The following UGT2A3 variants were observed in gnomAD, a reference collection of about 807,000 sequenced individuals.
UGT2A3 encodes UDP-glucuronosyltransferase 2A3.
UGT2A3 carries 55 observed loss-of-function variants against 44.1 expected under a neutral mutation model. The ratio of observed to expected loss-of-function variants is 1.25; its 90% CI spans 1.00 to 1.56. UGT2A3 has a LOEUF of 1.56. Among genes scored for constraint, UGT2A3 ranks in the 40% most tolerant of loss-of-function variants. The probability of loss-of-function intolerance (pLI) is 0.00; values close to 1 mark genes in which losing one functional copy is unlikely to be tolerated. For missense variants in UGT2A3, 733 were observed against 621.6 expected (o/e 1.18, Z -1.91); for synonymous variants, 243 against 215.1 (o/e 1.13, Z -1.13).
chr4:68,941,781 T>A (rs1319391680), intron 2 of UGT2A3, among the ~76,000 whole-genome samples: 1 of 151,808 alleles, frequency 6.6e-6, no homozygotes, highest in Non-Finnish European at 1.5e-5. Flanking sequence ...GTCACATCAG[T>A]CAATAAAAAT....
In UGT2A3 at chr4:68,930,603, T is replaced by C. The variant is rs1260719198; in HGVS notation, c.1247A>G (p.Lys416Arg). 2.5e-6 allele frequency: 4 copies of C among 1,613,480 alleles called. No homozygotes were observed. The South Asian group carries it at 4.4e-5, about 18-fold the overall frequency. The change falls in exon 5 of 6, where the codon AAA becomes AGA. Residue 416 changes from lysine (K) to arginine (R), a missense_variant. Transcript: ENST00000251566. The part of the protein sequence containing the change: ...AKGAAVEINF[K>R]TMTSEDLLRA... Reference sequence around the variant, plus strand: ...CAGTAAATCTTCGCTTGTCATAGTTTTGAAGTTTATTTCTACAGCTGCTCC... The same window carrying C: ...CAGTAAATCTTCGCTTGTCATAGTTCTGAAGTTTATTTCTACAGCTGCTCC...
intron 2 of UGT2A3, among the ~76,000 whole-genome samples, chr4:68,934,987 A>C (rs564409092): frequency 2.0e-4 from 31 of 151,950 alleles, no homozygotes; most frequent in Admixed American, 1.5e-3. Flanking sequence ...GAAAATAAAC[A>C]ATTTAGTGGA....
intron 1 of UGT2A3, 61 bp from the exon 2 acceptor site, chr4:68,945,515 A>G (rs1718354838): frequency 7.0e-7 from 1 of 1,432,132 alleles, no homozygotes; most frequent in African/African-American, 1.4e-5. Context: ...TTGTATCACT[A>G]ATTTTTCAGT....
chr4:68,946,356 C>A (rs1417617986), intron 1 of UGT2A3, among the ~76,000 whole-genome samples: 1 of 151,526 alleles, frequency 6.6e-6, no homozygotes, highest in African/African-American at 2.4e-5. Flanking sequence ...TTAAGGTCAT[C>A]ACATTTTAAT....
chr4:68,932,396 C>T (rs932159449), intron 3 of UGT2A3, among the ~76,000 whole-genome samples: 10 of 151,666 alleles, frequency 6.6e-5, no homozygotes, highest in Non-Finnish European at 1.2e-4. Context: ...TAAGGTAGGG[C>T]TTTATTTATT....
rs752254818 is a variant in UGT2A3, at chr4:68,930,092, A to G, written c.1305T>C (p.Ser435=). ...RALRTVITDS[S]YKENAMRLSR... ...ATAATCTCATAGCATTCTCTTTATA[A>G]CTGGAAGGGAAAAACACACATAGAA... Residue 435 remains serine, a splice_region_variant and synonymous_variant, in exon 6 of 6, where the codon TCT becomes TCC. Coordinates refer to ENST00000251566, the MANE Select transcript of UGT2A3 (RefSeq NM_024743.4). 4 of 1,602,416 alleles carry G rather than the reference A, an allele frequency of 2.5e-6. No homozygotes were observed. Among genetic ancestry groups the G allele is most frequent in the Non-Finnish European group, 3.4e-6 (4 of 1,173,908 alleles).
Position 68,942,349 on chromosome 4 carries a change from A to ATATG in UGT2A3, c.864+2953_864+2956dup, listed in dbSNP as rs1553902031. On this transcript the variant is annotated intron_variant, in intron 2 of 5. Transcript: ENST00000251566. ...TCTCTCTCTCTCTCTCTATATATAT[A>ATATG]TATGCAATGAAATGGATATGTATAT... is the stretch of plus-strand genomic sequence containing the variant. Among the ~76,000 whole-genome samples, 800 of 148,434 alleles carry ATATG rather than the reference A, an allele frequency of 5.4e-3. 7 individuals carry two copies. The highest frequency in any genetic ancestry group is 0.012 in the Admixed American group (180 of 14,606).
intron 1 of UGT2A3, among the ~76,000 whole-genome samples, chr4:68,948,494 G>C (rs1718466401): frequency 8.0e-6 from 1 of 124,230 alleles, no homozygotes; most frequent in African/African-American, 3.2e-5. Flanking sequence ...AGGTTGGAGT[G>C]CAGTGGAGCA....
Position 68,951,158 on chromosome 4 carries a change from G to C in UGT2A3, c.603C>G (p.Asp201Glu). ...TTACTCTTTCCAGAAAGGTCATTCT[G>C]TCTGTTAGTCCTGTCATAGGCACAG... Reference protein sequence around the residue: ...YVPVPMTGLTDRMTFLERVKN... With the variant: ...YVPVPMTGLTERMTFLERVKN... The change falls in exon 1 of 6, where the codon GAC becomes GAG. Residue 201 changes from aspartate to glutamate, a missense_variant. Coordinates refer to ENST00000251566, the MANE Select transcript of UGT2A3 (RefSeq NM_024743.4). 5.6e-6 allele frequency: 9 copies of C among 1,611,900 alleles called. No homozygotes were observed. The highest frequency in any genetic ancestry group is 5.9e-6 in the Non-Finnish European group (7 of 1,178,980).
Position 68,951,439 on chromosome 4 carries a change from TA to T in UGT2A3, c.321del (p.Ile108Ter). On this transcript the variant is annotated frameshift_variant, in exon 1 of 6. Transcript: ENST00000251566. LOFTEE classifies it high-confidence loss of function. ...VLPGLSTWQS[V>X]IKLNDFFVEI... is the part of the protein sequence containing the mutation. The stretch of plus-strand genomic sequence containing the variant: ...TCAACAAAAAAATCATTTAATTTTA[TA>T]ACTGATTGCCAGGTTGATAAGCCTG... 1 of 1,611,922 alleles carries T rather than the reference TA, an allele frequency of 6.2e-7. No homozygotes were observed. Among genetic ancestry groups the T allele is most frequent in the South Asian group, 1.1e-5 (1 of 90,926 alleles).
chr4:68,938,459 A>G (rs947304490), intron 2 of UGT2A3, among the ~76,000 whole-genome samples: 1 of 151,918 alleles, frequency 6.6e-6, no homozygotes, highest in Non-Finnish European at 1.5e-5. Context: ...GAAAACCACG[A>G]TTATATCAAT....
At chr4:68,948,430 C>CTTTTTCTTCTTTTTTT (rs772753904) in intron 1 of UGT2A3, among the ~76,000 whole-genome samples, 1 of 69,694 alleles carries the variant, frequency 1.4e-5, no homozygotes, top group Non-Finnish European at 3.6e-5. Flanking sequence ...TTTTTCTTTT[C>CTTTTTCTTCTTTTTTT]TTTTTTTTCT....
At chr4:68,949,458 G>A (rs1302401418) in intron 1 of UGT2A3, among the ~76,000 whole-genome samples, 1 of 151,764 alleles carries the variant, frequency 6.6e-6, no homozygotes, top group Non-Finnish European at 1.5e-5. Context: ...GTGCCCCCAA[G>A]CTAATAAACG....
At chr4:68,935,391 G>A (rs1168896304) in intron 2 of UGT2A3, among the ~76,000 whole-genome samples, 1 of 149,966 alleles carries the variant, frequency 6.7e-6, no homozygotes, top group African/African-American at 2.4e-5. Context: ...CTGTTCTGCA[G>A]CCTCTTCTGG....
Position 68,941,505 on chromosome 4 carries a change from T to TA in UGT2A3, c.864+3800dup, listed in dbSNP as rs376965215. ...AGTAAGTAAAAATGAATTACAAAGTTAAATATAAGGCCAAACATTATACAA... is the reference window on the plus strand; with the variant it reads ...AGTAAGTAAAAATGAATTACAAAGTTAAAATATAAGGCCAAACATTATACAA... On this transcript the variant is annotated intron_variant, in intron 2 of 5. Coordinates refer to ENST00000251566, the MANE Select transcript of UGT2A3 (RefSeq NM_024743.4). Among the ~76,000 whole-genome samples the TA allele has an allele frequency of 3.6e-3, 546 of 152,034 alleles. 3 individuals are homozygous for TA. Among genetic ancestry groups the TA allele is most frequent in the African/African-American group, 0.013 (526 of 41,522 alleles).
rs1037049516 is a variant in UGT2A3 at position 68,935,290 on chromosome 4, A to G, written c.865-2531T>C. On this transcript the variant is annotated intron_variant, in intron 2 of 5. Transcript: ENST00000251566. The stretch of plus-strand genomic sequence containing the variant: ...TATGTATGTATGTATATATATATAT[A>G]TATATATATATATATATATATATAT... Among the ~76,000 whole-genome samples, 636 of 79,494 alleles carry G rather than the reference A, an allele frequency of 8.0e-3. 28 individuals carry two copies. The highest frequency in any genetic ancestry group is 0.011 in the Non-Finnish European group (474 of 45,136). The allele number at this position is 79,494 out of a possible 152,430, so 52.2% of individuals were successfully genotyped here. A position where few individuals can be genotyped will look rare whatever the true frequency, so the allele number is the denominator to read the frequency against.
At chr4:68,933,511 C>T (rs1717818686) in intron 2 of UGT2A3, among the ~76,000 whole-genome samples, 2 of 152,028 alleles carry the variant, frequency 1.3e-5, no homozygotes, top group Non-Finnish European at 2.9e-5. Flanking sequence ...AGCAGAAGCA[C>T]TAATCACAGC....
chr4:68,943,207 TTG>T (rs955029676), intron 2 of UGT2A3: 547 of 525,694 alleles, frequency 1.0e-3, no homozygotes, highest in Non-Finnish European at 1.3e-3. Context: ...GAGTGTGTGT[TTG>T]TGTGTGTGTG....
chr4:68,930,807 C>A (rs1577843400), intron 4 of UGT2A3, 42 bp from the exon 5 acceptor site: 4 of 1,471,932 alleles, frequency 2.7e-6, no homozygotes, highest in Non-Finnish European at 3.6e-6. Context: ...ATATTTTATT[C>A]TAAACTTTTA....
Sources: gnomAD v4.1 joint callset for allele counts (sites outside exome capture counted in the v4.1 genomes callset) on GRCh38, gnomAD v4.1.1 for gene constraint, MANE v1.5 for transcripts, NCBI Gene and HGNC (gene_info 2026-07-23, HGNC 2026-07-21) for gene names.